The following MYBPC2 variants were observed in gnomAD, a reference collection of about 807,000 sequenced individuals.
MYBPC2 encodes the protein myosin-binding protein C, fast-type.
Under a neutral mutation model 137.0 loss-of-function variants are expected in MYBPC2, and 122 were observed. The observed-to-expected ratio is 0.89, with a 90% CI of 0.77 to 1.03. The LOEUF (loss-of-function observed/expected upper bound fraction) is 1.03, where lower values mean the gene tolerates loss of function less well. MYBPC2 is among the 50% of genes least tolerant of loss of function. The pLI, the probability that MYBPC2 is intolerant of heterozygous loss-of-function variation, is 0.00. For missense variants in MYBPC2, 1,500 were observed against 1,534.4 expected (o/e 0.98, Z 0.37); for synonymous variants, 626 against 612.3 (o/e 1.02, Z -0.33).
intron 1 of MYBPC2, 103 bp downstream of exon 1, chr19:50,433,075 G>GC (rs1814595490): frequency 1.4e-6 from 2 of 1,382,248 alleles, no homozygotes; most frequent in Non-Finnish European, 1.9e-6. Context: ...AGGAACCTTC[G>GC]CTGTGTGAGG....
At chr19:50,450,089 G>T (rs1046209911) in intron 13 of MYBPC2, among the ~76,000 whole-genome samples, 1 of 152,012 alleles carries the variant, frequency 6.6e-6, no homozygotes, top group Non-Finnish European at 1.5e-5. Flanking sequence ...CCCAGGAGGG[G>T]GAGGTTGCAG....
intron 9 of MYBPC2, 122 bp downstream of exon 9, chr19:50,442,435 C>A (rs1280934313): frequency 8.1e-6 from 11 of 1,361,954 alleles, no homozygotes; most frequent in Admixed American, 4.9e-5. Context: ...AGAGTACAGG[C>A]CGGGCACAGT....
At chr19:50,434,743 T>G (rs917755764) in intron 1 of MYBPC2, among the ~76,000 whole-genome samples, 1 of 152,158 alleles carries the variant, frequency 6.6e-6, no homozygotes, top group Non-Finnish European at 1.5e-5. Context: ...CAGCCCCTAC[T>G]GTAGCTGCAG....
chr19:50,454,521 G>A (rs1232371243), intron 18 of MYBPC2, among the ~76,000 whole-genome samples, 152 bp downstream of exon 18: 6 of 147,698 alleles, frequency 4.1e-5, no homozygotes, highest in Non-Finnish European at 7.4e-5. Flanking sequence ...TGCCTCCTGG[G>A]TACAAGCAAT....
At chr19:50,438,675 G>A (rs1229817299) in intron 7 of MYBPC2, among the ~76,000 whole-genome samples, 1 of 152,028 alleles carries the variant, frequency 6.6e-6, no homozygotes, top group Non-Finnish European at 1.5e-5. Context: ...AGACCAGCCT[G>A]GGCCACATAG....
intron 24 of MYBPC2, among the ~76,000 whole-genome samples, 180 bp downstream of exon 24, chr19:50,460,359 C>A (rs1456330807): frequency 2.0e-5 from 3 of 152,110 alleles, no homozygotes; most frequent in Non-Finnish European, 4.4e-5. Flanking sequence ...TTTCTTTTTT[C>A]ACTGAGGTAA....
At chr19:50,452,508 G>GTATGTATGTATCTATC (rs1433850781) in intron 16 of MYBPC2, among the ~76,000 whole-genome samples, 33 of 114,748 alleles carry the variant, frequency 2.9e-4, no homozygotes, top group African/African-American at 7.5e-4. Flanking sequence ...ATGTATGTAT[G>GTATGTATGTATCTATC]TATCTATCTA....
At chr19:50,433,290 G>A (rs1481017188) in intron 1 of MYBPC2, among the ~76,000 whole-genome samples, 1 of 152,044 alleles carries the variant, frequency 6.6e-6, no homozygotes, top group Non-Finnish European at 1.5e-5. Flanking sequence ...AAGTGATTGG[G>A]GGGGCATCTC....
In MYBPC2 at chr19:50,436,023, G is replaced by C. The variant is rs574023163; in HGVS notation, c.208G>C (p.Val70Leu). 1 of 1,580,974 alleles carries C rather than the reference G, an allele frequency of 6.3e-7. No homozygotes were observed. The highest frequency in any genetic ancestry group is 1.2e-5 in the South Asian group (1 of 86,214). ...SVSVETGKDA[V>L]VVAKVNGKEL... ...CTCACCCCATGTAGGGAAGGACGCAGTGGTCGTGGCCAAGGTGAACGGGAA... is the reference window on the plus strand; with the variant it reads ...CTCACCCCATGTAGGGAAGGACGCACTGGTCGTGGCCAAGGTGAACGGGAA... Residue 70 changes from valine (V) to leucine (L), a missense_variant, in exon 4 of 28, where the codon GTG (valine) becomes CTG (leucine). Coordinates refer to ENST00000357701, the MANE Select transcript of MYBPC2 (RefSeq NM_004533.4).
chr19:50,458,772 C>T lies in MYBPC2; in HGVS notation c.2506+18C>T. ...GATTGCGGGTGCGTGGCCCCTGACC[C>T]TGCGCTCCGAAAGACCAAGCTGGCG... On this transcript the variant is annotated intron_variant, in intron 21 of 27. Coordinates refer to ENST00000357701, the MANE Select transcript of MYBPC2 (RefSeq NM_004533.4). The T allele has an allele frequency of 6.2e-7, 1 of 1,605,562 alleles. No homozygotes were observed.
At chr19:50,436,501 C>G (rs1313790833) in intron 4 of MYBPC2, 116 bp from the exon 5 acceptor site, 12 of 941,182 alleles carry the variant, frequency 1.3e-5, no homozygotes, top group Non-Finnish European at 3.2e-6. Context: ...TCTCCATTGG[C>G]CCCCCTGTGG....
chr19:50,444,869 G>T (rs2039789531), intron 11 of MYBPC2, among the ~76,000 whole-genome samples: 1 of 108,296 alleles, frequency 9.2e-6, no homozygotes, highest in East Asian at 2.8e-4. Context: ...GACACAGCGA[G>T]ACTCCGTCTC....
rs376193301 is a variant in MYBPC2, at chr19:50,458,708, C to T, written c.2460C>T (p.Ser820=). 1.6e-5 allele frequency: 26 copies of T among 1,609,872 alleles called. No homozygotes were observed. The highest frequency in any genetic ancestry group is 2.0e-5 in the Non-Finnish European group (24 of 1,179,864). Residue 820 remains serine, a synonymous_variant, in exon 21 of 28, where the codon AGC becomes AGT. Coordinates refer to ENST00000357701, the MANE Select transcript of MYBPC2 (RefSeq NM_004533.4). ...TTGGGGTCAACATCGCGGGGCGCAG[C>T]GAGCCGGCCACCCTGGCCCAGCCGG... The part of the protein sequence containing the change: ...RVVGVNIAGR[S]EPATLAQPVT...
intron 11 of MYBPC2, among the ~76,000 whole-genome samples, chr19:50,444,290 TCATCCATC>T (rs66680495): frequency 3.5e-3 from 417 of 117,892 alleles, no homozygotes; most frequent in East Asian, 0.024. Context: ...GTCCATCCAT[TCATCCATC>T]CATCCATCCA....
At chr19:50,451,383 G>A (rs1489529417) in intron 15 of MYBPC2, 74 bp downstream of exon 15, 26 of 1,528,338 alleles carry the variant, frequency 1.7e-5, no homozygotes, top group South Asian at 3.4e-5. Flanking sequence ...GGGAATGGCC[G>A]AGGGAGGATA....
chr19:50,457,126 C>T (rs1464981145), intron 20 of MYBPC2, among the ~76,000 whole-genome samples: 1 of 152,146 alleles, frequency 6.6e-6, no homozygotes, highest in Non-Finnish European at 1.5e-5. Context: ...CTAACCATGG[C>T]GAAGACAGTT....
At position 50,459,136 on chromosome 19, in the gene MYBPC2, GGACCAAGGGCGGGGCCCC is replaced by G. The variant is rs1445170553; in HGVS notation, c.2623_2640del (p.Thr875_Pro880del). The G allele has an allele frequency of 7.0e-6, 11 of 1,579,768 alleles. No homozygotes were observed. The highest frequency in any genetic ancestry group is 9.4e-6 in the Non-Finnish European group (11 of 1,165,358). On this transcript the variant is annotated inframe_deletion, in exon 23 of 28. Coordinates refer to ENST00000357701, the MANE Select transcript of MYBPC2 (RefSeq NM_004533.4). ...GGAAAGCCCCGGCCCCAGGTGGTGTGGACCAAGGGCGGGGCCCCGCTGGACACCTCCCGCGTGCACGTG... is the reference window on the plus strand; with the variant it reads ...GGAAAGCCCCGGCCCCAGGTGGTGTGGCTGGACACCTCCCGCGTGCACGTG...
intron 8 of MYBPC2, among the ~76,000 whole-genome samples, chr19:50,441,699 G>A (rs2039757044): frequency 6.6e-6 from 1 of 152,062 alleles, no homozygotes; most frequent in South Asian, 2.1e-4. Context: ...AGTCAGCCGG[G>A]CATGGTGGTG....
At chr19:50,461,400 C>T in intron 24 of MYBPC2, 142 bp from the exon 25 acceptor site, 1 of 876,298 alleles carries the variant, frequency 1.1e-6, no homozygotes, top group Non-Finnish European at 1.7e-6. Context: ...CACCTGTTGG[C>T]CACTGTGAGT....
Sources: allele counts gnomAD v4.1 joint callset (sites outside exome capture counted in the v4.1 genomes callset), GRCh38; gene constraint gnomAD v4.1.1; transcripts MANE v1.5; gene names NCBI Gene and HGNC (gene_info 2026-07-23, HGNC 2026-07-21).